The following ADAMTSL1 variants were observed in gnomAD, a reference collection of about 807,000 sequenced individuals.
ADAMTSL1 encodes ADAMTS-like protein 1.
ADAMTSL1 carries 126 observed loss-of-function variants against 201.8 expected under a neutral mutation model. The ratio of observed to expected loss-of-function variants is 0.62; its 90% CI spans 0.54 to 0.72. The LOEUF is 0.72. ADAMTSL1 is among the 30% of genes least tolerant of loss of function. The probability of loss-of-function intolerance (pLI) is 0.00; values close to 1 mark genes in which losing one functional copy is unlikely to be tolerated. For synonymous variants in ADAMTSL1, 1,121 were observed against 903.4 expected (o/e 1.24, Z -4.32); for missense variants, 2,679 against 2,277.8 (o/e 1.18, Z -3.59).
At chr9:18,032,282 G>C (rs1820992922) in intron 1 of ADAMTSL1, among the ~76,000 whole-genome samples, 1 of 152,144 alleles carries the variant, frequency 6.6e-6, no homozygotes, top group African/African-American at 2.4e-5. Context: ...CCCAAGCTCT[G>C]GCCACAGACC....
In ADAMTSL1 at chr9:18,460,007, C is replaced by A. The variant is rs576215443; in HGVS notation, c.208-44822C>A. On this transcript the variant is annotated intron_variant, in intron 2 of 29. Transcript: ENST00000680146. ...GATTTGCCGAGAATATTATCTGAGT[C>A]ATGAATAGACATAGTAACAGGAAAA... Among the ~76,000 whole-genome samples, 3 of 152,192 alleles carry A rather than the reference C, an allele frequency of 2.0e-5. No homozygotes were observed. In the South Asian group the frequency reaches 6.2e-4, roughly 32 times the overall value.
Position 18,665,038 on chromosome 9 carries a change from G to A in ADAMTSL1, c.1085+2965G>A, listed in dbSNP as rs144484467. 3.9e-3 allele frequency among the ~76,000 whole-genome samples: 587 copies of A among 152,054 alleles called. 4 individuals are homozygous for A. The highest frequency in any genetic ancestry group is 0.013 in the African/African-American group (556 of 41,512). The stretch of plus-strand genomic sequence containing the variant: ...TCACAATTTTAAGTGTTGTACTACC[G>A]AAGTAAATGCTTTTGCCCTCATCAT... On this transcript the variant is annotated intron_variant, in intron 9 of 28. Coordinates refer to ENST00000380548, the MANE Select transcript of ADAMTSL1 (RefSeq NM_001040272.6).
intron 13 of ADAMTSL1, among the ~76,000 whole-genome samples, chr9:18,689,566 C>A (rs1393841905): frequency 6.6e-6 from 1 of 152,066 alleles, no homozygotes; most frequent in African/African-American, 2.4e-5. Context: ...AGTCTGGATG[C>A]TTTAGGTGCT....
At chr9:18,382,656 T>A (rs758980203) in intron 2 of ADAMTSL1, among the ~76,000 whole-genome samples, 7 of 152,094 alleles carry the variant, frequency 4.6e-5, no homozygotes, top group Admixed American at 1.3e-4. Flanking sequence ...GGTATGTTAA[T>A]GGCAGGAAGG....
intron 2 of ADAMTSL1, among the ~76,000 whole-genome samples, chr9:18,352,672 T>G (rs1177874793): frequency 6.6e-6 from 1 of 152,240 alleles, no homozygotes; most frequent in African/African-American, 2.4e-5. Flanking sequence ...ATGTACGCCA[T>G]GTGATTCCAT....
intron 1 of ADAMTSL1, among the ~76,000 whole-genome samples, chr9:18,015,404 C>T (rs1375310695): frequency 6.6e-6 from 1 of 152,072 alleles, no homozygotes; most frequent in Non-Finnish European, 1.5e-5. Context: ...TTAACAACTC[C>T]CTTTCTTCCT....
chr9:18,453,699 A>G (rs190766156), intron 2 of ADAMTSL1, among the ~76,000 whole-genome samples: 6 of 152,200 alleles, frequency 3.9e-5, no homozygotes, highest in African/African-American at 9.6e-5. Context: ...ACCTTCCCCA[A>G]AGTCCTACAG....
In ADAMTSL1 at chr9:18,417,368, AAAAAAAAAAAAAAG is replaced by A. The variant is rs1164969863; in HGVS notation, c.208-87450_208-87437del. 3.9e-5 allele frequency among the ~76,000 whole-genome samples: 4 copies of A among 101,830 alleles called. No individual in the cohort carries two copies. The East Asian group carries it at 2.5e-3, about 63-fold the overall frequency. The allele number at this position is 101,830 out of a possible 152,430, so 66.8% of individuals were successfully genotyped here. ...CTAAATGAGAACTAAAGTAAGCAGG[AAAAAAAAAAAAAAG>A]AAAAAAAAAACAAAGATGAGGGCAG... is the stretch of plus-strand genomic sequence containing the variant. On this transcript the variant is annotated intron_variant, in intron 2 of 29. Transcript: ENST00000680146.
intron 2 of ADAMTSL1, among the ~76,000 whole-genome samples, chr9:18,389,629 T>A (rs1587049547): frequency 1.3e-5 from 2 of 152,284 alleles, no homozygotes; most frequent in Admixed American, 1.3e-4. Context: ...TATGTAGAGA[T>A]AAAACTTCAT....
intron 2 of ADAMTSL1, among the ~76,000 whole-genome samples, chr9:18,298,595 T>A (rs1833568340): frequency 6.6e-6 from 1 of 151,902 alleles, no homozygotes; most frequent in Non-Finnish European, 1.5e-5. Context: ...ACTGAGCAAG[T>A]GTTTATGATC....
At chr9:18,438,252 A>G (rs546332156) in intron 2 of ADAMTSL1, among the ~76,000 whole-genome samples, 10 of 152,240 alleles carry the variant, frequency 6.6e-5, no homozygotes, top group African/African-American at 2.2e-4. Flanking sequence ...TAGGAATGAT[A>G]AGAGAAATAG....
At chr9:18,895,567 G>A (rs375242402) in intron 26 of ADAMTSL1, among the ~76,000 whole-genome samples, 13 of 152,090 alleles carry the variant, frequency 8.5e-5, no homozygotes, top group South Asian at 2.1e-4. Flanking sequence ...TGCAACTGAC[G>A]CTCTAAAGTC....
chr9:18,065,985 CAAAAAAAAA>C (rs34179730), intron 1 of ADAMTSL1, among the ~76,000 whole-genome samples: 2 of 38,100 alleles, frequency 5.2e-5, no homozygotes, highest in Non-Finnish European at 9.3e-5. Context: ...GACTCCATCT[CAAAAAAAAA>C]AAAAAAAAAA....
intron 2 of ADAMTSL1, among the ~76,000 whole-genome samples, chr9:18,264,905 C>A (rs766028999): frequency 3.9e-5 from 6 of 152,080 alleles, no homozygotes; most frequent in Non-Finnish European, 8.8e-5. Context: ...CCTTGCCAAG[C>A]CTTCATTTCT....
At chr9:18,756,422 G>T (rs577708197) in intron 16 of ADAMTSL1, among the ~76,000 whole-genome samples, 1 of 151,680 alleles carries the variant, frequency 6.6e-6, no homozygotes, top group South Asian at 2.1e-4. Context: ...ATTAGCTATT[G>T]CTGACTGCTT....
chr9:18,183,023 A>T (rs1828570741), intron 2 of ADAMTSL1, among the ~76,000 whole-genome samples: 6 of 152,186 alleles, frequency 3.9e-5, no homozygotes, highest in Admixed American at 3.9e-4. Context: ...TTCTAAAGCC[A>T]TTAATTCCTA....
intron 1 of ADAMTSL1, among the ~76,000 whole-genome samples, chr9:18,100,664 C>T (rs1023781845): frequency 2.0e-5 from 3 of 152,126 alleles, no homozygotes; most frequent in Non-Finnish European, 4.4e-5. Context: ...GATTCCACTC[C>T]TAGTAGTTTC....
intron 2 of ADAMTSL1, among the ~76,000 whole-genome samples, chr9:18,242,332 T>C (rs891694363): frequency 2.0e-5 from 3 of 152,094 alleles, no homozygotes; most frequent in Non-Finnish European, 4.4e-5. Context: ...TAAAAACTCT[T>C]AACATTTTAG....
intron 1 of ADAMTSL1, among the ~76,000 whole-genome samples, chr9:17,993,910 CATGTTAGTGGGAGATGGTTTTCT>C (rs1819266570): frequency 6.6e-6 from 1 of 151,940 alleles, no homozygotes; most frequent in Non-Finnish European, 1.5e-5. Flanking sequence ...AATGAGTCTC[CATGTTAGTGGGAGATGGTTTTCT>C]TTATCTTTGT....
Sources: allele counts gnomAD v4.1 joint callset (sites outside exome capture counted in the v4.1 genomes callset), GRCh38; gene constraint gnomAD v4.1.1; transcripts MANE v1.5; gene names NCBI Gene and HGNC (gene_info 2026-07-23, HGNC 2026-07-21).